Variants in SND1 observed in about 807,000 individuals in gnomAD.
SND1 encodes the protein staphylococcal nuclease domain-containing protein 1.
A neutral mutation model predicts 121.7 loss-of-function variants in SND1; 38 were observed. That is an observed-to-expected ratio of 0.31 (90% confidence interval 0.24 to 0.41). SND1 has a LOEUF of 0.41. SND1 is among the 10% of genes least tolerant of loss of function. The pLI is 1.00. For synonymous variants in SND1, 401 were observed against 447.4 expected (o/e 0.90, Z 1.31); for missense variants, 868 against 1,184.6 (o/e 0.73, Z 3.92).
At chr7:127,766,181 T>C (rs1187491188) in intron 10 of SND1, among the ~76,000 whole-genome samples, 7 of 152,182 alleles carry the variant, frequency 4.6e-5, no homozygotes, top group Admixed American at 3.3e-4. Context: ...GCAAACAAGG[T>C]GCCATCTTGG....
At chr7:127,926,549 C>CTTTTTTTTTTTTTT (rs71160605) in intron 14 of SND1, among the ~76,000 whole-genome samples, 5 of 90,556 alleles carry the variant, frequency 5.5e-5, no homozygotes, top group Admixed American at 1.5e-4. Context: ...TTTTCTTTTT[C>CTTTTTTTTTTTTTT]TTTTTTTTTT....
intron 12 of SND1, among the ~76,000 whole-genome samples, chr7:127,884,252 A>G (rs1267224058): frequency 6.6e-6 from 1 of 151,938 alleles, no homozygotes; most frequent in African/African-American, 2.4e-5. Context: ...GAAATTAGCC[A>G]TTTATCTAAG....
intron 17 of SND1, among the ~76,000 whole-genome samples, chr7:128,078,755 G>A (rs1473279241): frequency 6.6e-6 from 1 of 152,244 alleles, no homozygotes; most frequent in Admixed American, 6.5e-5. Flanking sequence ...ACTGCTGAGG[G>A]GCCGCCTTCC....
At chr7:127,946,743 C>T (rs143740945) in intron 15 of SND1, among the ~76,000 whole-genome samples, 266 of 152,260 alleles carry the variant, frequency 1.7e-3, no homozygotes, top group African/African-American at 6.1e-3. Flanking sequence ...AGGAGATCCA[C>T]CATTTAAGCC....
chr7:127,906,840 T>C (rs1180978756), intron 14 of SND1, among the ~76,000 whole-genome samples: 3 of 152,198 alleles, frequency 2.0e-5, no homozygotes, highest in African/African-American at 7.2e-5. Context: ...GCCTTGATGA[T>C]TTCTGATGCT....
At chr7:127,908,548 T>C (rs868146708) in intron 14 of SND1, among the ~76,000 whole-genome samples, 5 of 152,100 alleles carry the variant, frequency 3.3e-5, no homozygotes, top group African/African-American at 1.2e-4. Context: ...ATTTCTATCA[T>C]AGTCTAGTTT....
chr7:127,729,852 C>T (rs1407895562), intron 10 of SND1, among the ~76,000 whole-genome samples: 2 of 152,182 alleles, frequency 1.3e-5, no homozygotes, highest in African/African-American at 2.4e-5. Context: ...AATGATTTCC[C>T]TACCAGATGA....
intron 12 of SND1, among the ~76,000 whole-genome samples, chr7:127,852,810 C>CA (rs61595990): frequency 3.5e-4 from 51 of 144,890 alleles, no homozygotes; most frequent in South Asian, 1.9e-3. Flanking sequence ...GACTTGGTCT[C>CA]AAAAAAAAAA....
At chr7:127,950,757 G>A (rs752927417) in intron 15 of SND1, among the ~76,000 whole-genome samples, 3 of 152,166 alleles carry the variant, frequency 2.0e-5, no homozygotes, top group African/African-American at 7.2e-5. Flanking sequence ...GGTGGCTGCA[G>A]ATTAAATCTC....
intron 12 of SND1, among the ~76,000 whole-genome samples, chr7:127,848,112 A>C (rs1799099503): frequency 6.6e-6 from 1 of 152,182 alleles, no homozygotes; most frequent in Admixed American, 6.5e-5. Flanking sequence ...TATAGGAAGT[A>C]AAACCTTTTT....
chr7:127,918,007 T>A (rs1053318088), intron 14 of SND1, among the ~76,000 whole-genome samples: 49 of 152,028 alleles, frequency 3.2e-4, no homozygotes, highest in Admixed American at 3.2e-3. Context: ...TGACCTTTAA[T>A]AATTTACAAG....
intron 10 of SND1, among the ~76,000 whole-genome samples, chr7:127,783,988 AATGG>A (rs1189023689): frequency 6.6e-6 from 1 of 152,238 alleles, no homozygotes; most frequent in Non-Finnish European, 1.5e-5. Flanking sequence ...TACCACATCT[AATGG>A]ATATTCCAAG....
intron 10 of SND1, among the ~76,000 whole-genome samples, chr7:127,783,258 C>G (rs1220097078): frequency 3.3e-5 from 5 of 152,196 alleles, no homozygotes; most frequent in Non-Finnish European, 5.9e-5. Flanking sequence ...TACCTAAACT[C>G]TTCAGTGGCT....
At chr7:127,860,339 T>C (rs1396804742) in intron 12 of SND1, among the ~76,000 whole-genome samples, 1 of 152,198 alleles carries the variant, frequency 6.6e-6, no homozygotes, top group Non-Finnish European at 1.5e-5. Context: ...TTGTAGATTT[T>C]CCCTGTAGCT....
chr7:128,074,706 C>T lies in SND1; in HGVS notation c.1968+16C>T. 1 of 1,595,354 alleles carries T rather than the reference C, an allele frequency of 6.3e-7. No homozygotes were observed. ...GAAAGAGAAGGTACATGTGGCAGCC[C>T]AGCTGTGCTCTCCCTGCCCTCCCGT... is the stretch of plus-strand genomic sequence containing the variant. On this transcript the variant is annotated intron_variant, in intron 17 of 23. Coordinates refer to ENST00000354725, the MANE Select transcript of SND1 (RefSeq NM_014390.4).
At chr7:127,900,550 A>G (rs1190934875) in intron 13 of SND1, among the ~76,000 whole-genome samples, 3 of 152,148 alleles carry the variant, frequency 2.0e-5, no homozygotes, top group Non-Finnish European at 4.4e-5. Context: ...TGCCTTTGCA[A>G]AGTTGTAGGT....
At chr7:127,711,423 C>T (rs1285100584) in intron 9 of SND1, among the ~76,000 whole-genome samples, 1 of 152,172 alleles carries the variant, frequency 6.6e-6, no homozygotes, top group Non-Finnish European at 1.5e-5. Context: ...CAGTATCACT[C>T]CACTGTCAGT....
Position 127,652,212 on chromosome 7 carries a change from C to A in SND1, c.-162C>A. 4 of 683,802 alleles carry A rather than the reference C, an allele frequency of 5.8e-6. No individual in the cohort carries two copies. The highest frequency in any genetic ancestry group is 8.0e-6 in the Non-Finnish European group (3 of 373,678). 42.4% of individuals were successfully genotyped at this position (683,802 alleles called of 1,614,324 possible). A position where few individuals can be genotyped will look rare whatever the true frequency, so the allele number is the denominator to read the frequency against. On this transcript the variant is annotated 5_prime_UTR_variant, in exon 1 of 24. Transcript: ENST00000354725. ...ATCGCGTCTCTTTCGCTCCGTGTCC[C>A]GCTGCTGCTCCTGTGAGCGCCCGGC...
At position 127,916,024 on chromosome 7, in the gene SND1, GTGTGTGTGTT is replaced by G. The variant is rs1800569320; in HGVS notation, c.1527+11207_1527+11216del. ...TGTGTGTGTGTGTGTGTGTGTGTGT[GTGTGTGTGTT>G]TATGTGTGTATATGTATACATATAT... On this transcript the variant is annotated intron_variant, in intron 14 of 23. Transcript: ENST00000354725. Among the ~76,000 whole-genome samples, 3 of 144,156 alleles carry G rather than the reference GTGTGTGTGTT, an allele frequency of 2.1e-5. No homozygotes were observed. In the South Asian group the frequency reaches 6.3e-4, roughly 30 times the overall value. The allele number at this position is 144,156 out of a possible 152,430, so 94.6% of individuals were successfully genotyped here. A position where few individuals can be genotyped will look rare whatever the true frequency, so the allele number is the denominator to read the frequency against.
Sources: gnomAD v4.1 joint callset for allele counts (sites outside exome capture counted in the v4.1 genomes callset) on GRCh38, gnomAD v4.1.1 for gene constraint, MANE v1.5 for transcripts, NCBI Gene and HGNC (gene_info 2026-07-23, HGNC 2026-07-21) for gene names.